MEI1: variants seen among roughly 807,000 people sequenced by gnomAD.
MEI1 encodes meiosis inhibitor protein 1.
A neutral mutation model predicts 146.2 loss-of-function variants in MEI1; 103 were observed. The observed-to-expected ratio is 0.70, with a 90% CI of 0.60 to 0.83. The LOEUF (loss-of-function observed/expected upper bound fraction) is 0.83. MEI1 is among the 40% of genes least tolerant of loss of function. MEI1 has a pLI of 0.00. For missense variants in MEI1, 1,529 were observed against 1,533.0 expected (o/e 1.00, Z 0.04); for synonymous variants, 652 against 628.2 (o/e 1.04, Z -0.57).
At chr22:41,719,288 G>A (rs544283902) in intron 6 of MEI1, among the ~76,000 whole-genome samples, 27 of 152,168 alleles carry the variant, frequency 1.8e-4, no homozygotes, top group Non-Finnish European at 3.5e-4. Flanking sequence ...GCCGGTTCAA[G>A]TGATTCTTAT....
chr22:41,743,267 C>A, intron 12 of MEI1, 73 bp downstream of exon 12: 1 of 1,068,376 alleles, frequency 9.4e-7, no homozygotes, highest in Non-Finnish European at 1.4e-6. Context: ...TTAGTATATT[C>A]CCTTACTTTT....
chr22:41,726,538 C>T (rs2071373821), intron 7 of MEI1, among the ~76,000 whole-genome samples: 1 of 152,044 alleles, frequency 6.6e-6, no homozygotes, highest in African/African-American at 2.4e-5. Context: ...TATTTTAAAC[C>T]AAGAATCATT....
intron 30 of MEI1, among the ~76,000 whole-genome samples, chr22:41,798,960 T>C (rs1247698293): frequency 4.0e-5 from 6 of 151,708 alleles, no homozygotes; most frequent in Non-Finnish European, 8.8e-5. Context: ...CCAGAGACAC[T>C]GCAGTCCAGA....
chr22:41,713,138 G>C (rs1055589343), intron 3 of MEI1, among the ~76,000 whole-genome samples: 1 of 151,946 alleles, frequency 6.6e-6, no homozygotes, highest in Admixed American at 6.6e-5. Flanking sequence ...AAGCTTCCTA[G>C]GTGAGTCTAA....
rs758946892 is a variant in MEI1, at chr22:41,718,133, G to A, written c.592G>A (p.Val198Ile). Residue 198 changes from valine (V) to isoleucine (I), a missense_variant, in exon 6 of 31, where the codon GTC becomes ATC. Physicochemically the swap from Val to Ile is conservative, Grantham distance 29. Coordinates refer to ENST00000401548, the MANE Select transcript of MEI1 (RefSeq NM_152513.4). ...CCCCAGTGAGGGCATACAAGCTTCT[G>A]TCTGTTACCTTTATGGGAAGCTATA... ...VYPSEGIQASVCYLYGKLYSS... is the reference protein window; with the variant it reads ...VYPSEGIQASICYLYGKLYSS... The A allele has an allele frequency of 1.9e-6, 3 of 1,613,798 alleles. No individual in the cohort carries two copies. Among genetic ancestry groups the A allele is most frequent in the South Asian group, 2.2e-5 (2 of 91,068 alleles).
chr22:41,721,191 G>A (rs1419291069), intron 6 of MEI1, among the ~76,000 whole-genome samples: 5 of 149,146 alleles, frequency 3.4e-5, no homozygotes, highest in Non-Finnish European at 5.9e-5. Flanking sequence ...GTCCGCCTCG[G>A]CCTCCCAAAG....
chr22:41,705,192 T>C (rs1000415313), intron 2 of MEI1, among the ~76,000 whole-genome samples: 2 of 151,256 alleles, frequency 1.3e-5, no homozygotes, highest in East Asian at 3.9e-4. Flanking sequence ...TTTTTTTTTT[T>C]CTTGAGACAG....
intron 24 of MEI1, among the ~76,000 whole-genome samples, chr22:41,783,295 GTTATT>G (rs1227064990): frequency 1.3e-5 from 2 of 151,746 alleles, no homozygotes; most frequent in Non-Finnish European, 2.9e-5. Context: ...AGAGTTCCCT[GTTATT>G]TTATTTTTTC....
rs2070570924 is a variant in MEI1, at chr22:41,719,735, A to G, written c.733+1461A>G. 2.0e-5 allele frequency among the ~76,000 whole-genome samples: 3 copies of G among 152,174 alleles called. No homozygotes were observed. In the South Asian group the frequency reaches 6.2e-4, roughly 32 times the overall value. On this transcript the variant is annotated intron_variant, in intron 6 of 30. Coordinates refer to ENST00000401548, the MANE Select transcript of MEI1 (RefSeq NM_152513.4). ...TACTTGAGGCTCTTTAGAAGCCCCA[A>G]CATACCCTTTTAACGTCCTCTCCTG...
chr22:41,754,850 A>T (rs1427183181), intron 17 of MEI1, among the ~76,000 whole-genome samples: 7 of 152,344 alleles, frequency 4.6e-5, no homozygotes, highest in Admixed American at 2.6e-4. Context: ...GCAAATGCAT[A>T]CTATGTCAGA....
intron 7 of MEI1, among the ~76,000 whole-genome samples, chr22:41,725,908 A>G (rs1481768394): frequency 6.6e-6 from 1 of 152,174 alleles, no homozygotes; most frequent in East Asian, 1.9e-4. Context: ...GCAAACCCTG[A>G]TGTGATAGCA....
rs536017969 is a variant in MEI1, at chr22:41,709,274, C to G, written c.349+3720C>G. ...CTGTGCCTGGTCTGTCTTGGCATCTCCATTTTCTGCAGGGTTATTCCCTTC... is the reference window on the plus strand; with the variant it reads ...CTGTGCCTGGTCTGTCTTGGCATCTGCATTTTCTGCAGGGTTATTCCCTTC... On this transcript the variant is annotated intron_variant, in intron 3 of 30. Coordinates refer to ENST00000401548, the MANE Select transcript of MEI1 (RefSeq NM_152513.4). The G allele has an allele frequency of 2.6e-5, 21 of 821,424 alleles. No homozygotes were observed. In the African/African-American group the frequency reaches 3.0e-4, roughly 12 times the overall value. The allele number at this position is 821,424 out of a possible 1,614,324, so 50.9% of individuals were successfully genotyped here. A position where few individuals can be genotyped will look rare whatever the true frequency, so the allele number is the denominator to read the frequency against.
At chr22:41,704,238 C>T (rs1250216414) in intron 2 of MEI1, among the ~76,000 whole-genome samples, 2 of 152,152 alleles carry the variant, frequency 1.3e-5, no homozygotes, top group Admixed American at 1.3e-4. Context: ...TTTTCTGTGC[C>T]AGAGACTTTT....
rs749747749 is a variant in MEI1, at chr22:41,743,094, G to A, written c.1346G>A (p.Ser449Asn). 1.9e-6 allele frequency: 3 copies of A among 1,611,546 alleles called. No homozygotes were observed. Among genetic ancestry groups the A allele is most frequent in the Non-Finnish European group, 2.5e-6 (3 of 1,178,446 alleles). The change falls in exon 12 of 31, where the codon AGC becomes AAC. Residue 449 changes from serine to asparagine, a missense_variant. Coordinates refer to ENST00000401548, the MANE Select transcript of MEI1 (RefSeq NM_152513.4). Reference sequence around the variant, plus strand: ...TCTGGATGCAGGAAGGACCATCAGAGCACTCCACCTGTGCAGTATGGGGAA... The same window carrying A: ...TCTGGATGCAGGAAGGACCATCAGAACACTCCACCTGTGCAGTATGGGGAA... ...TSAFLRKDHQ[S>N]TPPVQYGELQ... is the part of the protein sequence containing the mutation.
chr22:41,791,197 C>CT (rs1416669544), intron 26 of MEI1, among the ~76,000 whole-genome samples: 1 of 152,064 alleles, frequency 6.6e-6, no homozygotes, highest in Non-Finnish European at 1.5e-5. Context: ...TTTGAAAGCT[C>CT]TCTCTCGGGC....
At chr22:41,713,926 T>A (rs2069850719) in intron 3 of MEI1, 76 bp from the exon 4 acceptor site, 1 of 1,207,824 alleles carries the variant, frequency 8.3e-7, no homozygotes, top group Non-Finnish European at 1.2e-6. Context: ...CTGCACTGAT[T>A]GAGTAGAAGG....
Position 41,716,110 on chromosome 22 carries a change from A to G in MEI1, c.493A>G (p.Ile165Val). The change falls in exon 5 of 31, where the codon ATC becomes GTC. Residue 165 changes from isoleucine to valine, a missense_variant. Ile to Val is a conservative substitution (Grantham distance 29). Coordinates refer to ENST00000401548, the MANE Select transcript of MEI1 (RefSeq NM_152513.4). The part of the protein sequence containing the change: ...LTLLGKLVDA[I>V]PALADELVME... ...CCTTCTTGGCAAGTTGGTGGATGCC[A>G]TCCCTGCTCTGGCAGACGAGCTTGT... 1 of 1,611,536 alleles carries G rather than the reference A, an allele frequency of 6.2e-7. No individual in the cohort carries two copies. The highest frequency in any genetic ancestry group is 8.5e-7 in the Non-Finnish European group (1 of 1,178,936).
At chr22:41,769,984 A>G (rs1602057636) in intron 19 of MEI1, among the ~76,000 whole-genome samples, 1 of 151,486 alleles carries the variant, frequency 6.6e-6, no homozygotes, top group East Asian at 2.0e-4. Context: ...AAAATACAAA[A>G]TTAGCCGGGC....
At position 41,761,319 on chromosome 22, in the gene MEI1, G is replaced by T. The variant is rs201962427; in HGVS notation, c.2121-1855G>T. 2.3e-3 allele frequency among the ~76,000 whole-genome samples: 274 copies of T among 120,920 alleles called. 1 individual carries two copies. The highest frequency in any genetic ancestry group is 6.4e-3 in the African/African-American group (193 of 30,104). The allele number at this position is 120,920 out of a possible 152,430, so 79.3% of individuals were successfully genotyped here. On this transcript the variant is annotated intron_variant, in intron 18 of 30. Transcript: ENST00000401548. The stretch of plus-strand genomic sequence containing the variant: ...GAGTGAGACTCAGTGTTTTTTTTTT[G>T]TTTTTTTTTTTTTGAGACGGAGACT...
Sources: gnomAD v4.1 joint callset for allele counts (sites outside exome capture counted in the v4.1 genomes callset) on GRCh38, gnomAD v4.1.1 for gene constraint, MANE v1.5 for transcripts, NCBI Gene and HGNC (gene_info 2026-07-23, HGNC 2026-07-21) for gene names.